Variants in ATCAY observed in about 807,000 individuals in gnomAD.
The protein encoded by ATCAY is caytaxin.
ATCAY carries 22 observed loss-of-function variants against 47.7 expected under a neutral mutation model. The ratio of observed to expected loss-of-function variants is 0.46; its 90% CI spans 0.33 to 0.66. The LOEUF is 0.66. Among genes scored for constraint, ATCAY ranks in the 30% least tolerant of loss-of-function variants. ATCAY has a pLI of 0.02. For synonymous variants in ATCAY, 216 were observed against 207.6 expected, an observed-to-expected ratio of 1.04 and a Z score of -0.35; for missense variants, 452 against 515.0, an observed-to-expected ratio of 0.88 and a Z score of 1.18.
intron 2 of ATCAY, among the ~76,000 whole-genome samples, chr19:3,897,041 C>T (rs1046456780): frequency 2.0e-5 from 3 of 151,594 alleles, no homozygotes; most frequent in Non-Finnish European, 4.4e-5. Context: ...CCTCCCAAAG[C>T]GCTGGGATTA....
At chr19:3,910,970 C>T in intron 8 of ATCAY, 81 bp downstream of exon 8, 3 of 1,462,652 alleles carry the variant, frequency 2.1e-6, no homozygotes, top group Non-Finnish European at 1.9e-6. Flanking sequence ...TTTGTGTGTG[C>T]ATGTGTGCAC....
chr19:3,922,407 G>T, intron 12 of ATCAY, among the ~76,000 whole-genome samples: 1 of 152,202 alleles, frequency 6.6e-6, no homozygotes. Context: ...GAGCAAAGGG[G>T]GGAAAGCCCC....
rs2039050308 is a variant in ATCAY at position 3,924,543 on chromosome 19, A to G, written c.1107-40A>G. On this transcript the variant is annotated intron_variant, in intron 12 of 12. Transcript: ENST00000450849. ...TAGAAGCGCATTTTGCACTTTTAAC[A>G]TTAACAGCAATAACTTGGCCTGTGT... 9.9e-6 allele frequency: 16 copies of G among 1,613,592 alleles called. No homozygotes were observed. The East Asian group carries it at 2.9e-4, about 29-fold the overall frequency.
intron 9 of ATCAY, among the ~76,000 whole-genome samples, chr19:3,914,286 C>A (rs907014668): frequency 6.8e-6 from 1 of 146,488 alleles, no homozygotes. Flanking sequence ...TGGCTGGCAA[C>A]GCCTCCCAAT....
chr19:3,908,773 C>A (rs1384802477), intron 6 of ATCAY, among the ~76,000 whole-genome samples: 2 of 102,562 alleles, frequency 2.0e-5, no homozygotes, highest in African/African-American at 4.0e-5. Context: ...CCTCCTCCCC[C>A]CTCTTCCTTC....
chr19:3,924,233 G>GGA (rs1555770567), intron 12 of ATCAY, among the ~76,000 whole-genome samples: 3 of 140,680 alleles, frequency 2.1e-5, no homozygotes, highest in African/African-American at 2.7e-5. Context: ...GAGTGAGTGT[G>GGA]TGGATGGATG....
intron 2 of ATCAY, among the ~76,000 whole-genome samples, chr19:3,902,197 C>T (rs1254159751): frequency 6.6e-6 from 1 of 151,682 alleles, no homozygotes; most frequent in African/African-American, 2.4e-5. Flanking sequence ...TGGTGTGCAC[C>T]TGTAGTCCCA....
At chr19:3,904,318 C>T (rs528836574) in intron 3 of ATCAY, among the ~76,000 whole-genome samples, 3 of 152,182 alleles carry the variant, frequency 2.0e-5, no homozygotes, top group African/African-American at 7.2e-5. Flanking sequence ...AGTGAGACTC[C>T]ATCTCAAAAA....
intron 2 of ATCAY, among the ~76,000 whole-genome samples, chr19:3,889,054 G>C (rs1170766243): frequency 6.6e-6 from 1 of 152,132 alleles, no homozygotes; most frequent in African/African-American, 2.4e-5. Context: ...AGGATCGCTT[G>C]AGCCCAGGAG....
At chr19:3,890,595 C>T (rs2038708984) in intron 2 of ATCAY, among the ~76,000 whole-genome samples, 1 of 152,070 alleles carries the variant, frequency 6.6e-6, no homozygotes, top group Non-Finnish European at 1.5e-5. Context: ...CTCATCTCAC[C>T]CAAGCCTTCT....
Position 3,885,838 on chromosome 19 carries a change from T to C in ATCAY, c.71T>C (p.Leu24Pro). ...DVKEEWQDED[L>P]PRPLPEETGV... The stretch of plus-strand genomic sequence containing the variant: ...AAGGAGGAATGGCAGGACGAAGATC[T>C]TCCCAGGTAGGACTTCCACATCCCT... Residue 24 changes from leucine to proline, a missense_variant, in exon 2 of 13, where the codon CTT becomes CCT. By Grantham distance (98) the Leu-to-Pro change is moderately conservative. Coordinates refer to ENST00000450849, the MANE Select transcript of ATCAY (RefSeq NM_033064.5). The C allele has an allele frequency of 6.4e-7, 1 of 1,551,950 alleles. No individual in the cohort carries two copies. Among genetic ancestry groups the C allele is most frequent in the Non-Finnish European group, 8.7e-7 (1 of 1,147,608 alleles).
rs991244733 is a variant in ATCAY, at chr19:3,927,578, G to A, written c.*2986G>A. 2 of 152,284 alleles carry A rather than the reference G, an allele frequency of 1.3e-5. No individual in the cohort carries two copies. Among genetic ancestry groups the A allele is most frequent in the African/African-American group, 4.8e-5 (2 of 41,458 alleles). The allele number at this position is 152,284 out of a possible 1,614,324, so 9.4% of individuals were successfully genotyped here. ...TTCTGCCCCCACCAGAAACTCCAGG[G>A]GGTCCGCCCGTTATGCCGTGGCCCA... On this transcript the variant is annotated 3_prime_UTR_variant, in exon 13 of 13. Coordinates refer to ENST00000450849, the MANE Select transcript of ATCAY (RefSeq NM_033064.5).
At chr19:3,902,997 C>T (rs1005312545) in intron 3 of ATCAY, among the ~76,000 whole-genome samples, 7 of 151,934 alleles carry the variant, frequency 4.6e-5, no homozygotes, top group African/African-American at 7.2e-5. Context: ...TTTGGGAGAC[C>T]GGGTCACACT....
chr19:3,907,819 C>G lies in ATCAY; in HGVS notation c.444C>G (p.Ala148=), dbSNP rs760388554. ...ACGGCACGACGGAGGACGGCAGCGCCGCCAACGGGCGCCTGTGGCGGACAG... is the reference window on the plus strand; with the variant it reads ...ACGGCACGACGGAGGACGGCAGCGCGGCCAACGGGCGCCTGTGGCGGACAG... ...FGDGTTEDGS[A]ANGRLWRTVI... Residue 148 remains alanine (A), a synonymous_variant, in exon 5 of 13, where the codon GCC becomes GCG. Coordinates refer to ENST00000450849, the MANE Select transcript of ATCAY (RefSeq NM_033064.5). The surrounding 1 kb of genome is among the most constrained non-coding windows in gnomAD (Gnocchi z 5.1). The G allele has an allele frequency of 5.6e-6, 9 of 1,613,954 alleles. No homozygotes were observed. Among genetic ancestry groups the G allele is most frequent in the Non-Finnish European group, 7.6e-6 (9 of 1,179,856 alleles).
At chr19:3,881,863 AC>A (rs199717917) in intron 1 of ATCAY, among the ~76,000 whole-genome samples, 1 of 100,486 alleles carries the variant, frequency 1.0e-5, no homozygotes, top group South Asian at 3.4e-4. Context: ...GGCTGCTGCC[AC>A]CGCCCCCCCC....
rs372829245 is a variant in ATCAY at position 3,907,772 on chromosome 19, G to T, written c.397G>T (p.Asp133Tyr). 3.1e-6 allele frequency: 5 copies of T among 1,614,042 alleles called. No homozygotes were observed. The highest frequency in any genetic ancestry group is 2.2e-5 in the South Asian group (2 of 91,090). Residue 133 changes from aspartate (D) to tyrosine (Y), a missense_variant, in exon 5 of 13, where the codon GAC (aspartate) becomes TAC (tyrosine). Coordinates refer to ENST00000450849, the MANE Select transcript of ATCAY (RefSeq NM_033064.5). The surrounding 1 kb of genome is among the most constrained non-coding windows in gnomAD (Gnocchi z 5.1). Reference protein sequence around the residue: ...PVATAKNMPGDSADLFGDGTT... With the variant: ...PVATAKNMPGYSADLFGDGTT... ...GGCCACCGCCAAGAACATGCCCGGG[G>T]ACAGCGCGGATCTATTTGGGGACGG...
At chr19:3,901,927 C>T (rs1042445799) in intron 2 of ATCAY, among the ~76,000 whole-genome samples, 26 of 151,812 alleles carry the variant, frequency 1.7e-4, no homozygotes, top group African/African-American at 6.1e-4. Context: ...ACCCGGGAGG[C>T]GGAGGTTGCC....
chr19:3,889,622 A>G (rs1035260023), intron 2 of ATCAY, among the ~76,000 whole-genome samples: 3 of 152,050 alleles, frequency 2.0e-5, no homozygotes, highest in African/African-American at 7.2e-5. Flanking sequence ...TTTTAAAATA[A>G]TGTCATTTCA....
chr19:3,928,081 A>T lies in ATCAY; in HGVS notation c.*3489A>T, dbSNP rs1290501826. 6.6e-6 allele frequency: 1 copy of T among 152,070 alleles called. No homozygotes were observed. The highest frequency in any genetic ancestry group is 1.5e-5 in the Non-Finnish European group (1 of 68,010). The allele number at this position is 152,070 out of a possible 1,614,324, so 9.4% of individuals were successfully genotyped here. ...GTGGAATAAAGAAACTATCACTGAG[A>T]AGGGAGGTTTGTTCCTTTTGAGTAC... On this transcript the variant is annotated 3_prime_UTR_variant, in exon 13 of 13. Transcript: ENST00000450849.
Sources: allele counts gnomAD v4.1 joint callset (sites outside exome capture counted in the v4.1 genomes callset), GRCh38; gene constraint gnomAD v4.1.1; non-coding constraint Gnocchi (gnomAD v3.1); transcripts MANE v1.5; gene names NCBI Gene and HGNC (gene_info 2026-07-23, HGNC 2026-07-21).